HPRT1: variants seen among roughly 807,000 people sequenced by gnomAD.
The protein encoded by HPRT1 is hypoxanthine phosphoribosyltransferase 1.
In HPRT1, 4 loss-of-function variants were observed where a neutral mutation model predicts 19.0. That is an observed-to-expected ratio of 0.21 (90% CI 0.10 to 0.48). The LOEUF (loss-of-function observed/expected upper bound fraction) is 0.48. Ranked by LOEUF, HPRT1 falls within the 20% of genes least tolerant of loss-of-function variation. The probability of loss-of-function intolerance (pLI) is 0.98; values close to 1 mark genes in which losing one functional copy is unlikely to be tolerated. For synonymous variants in HPRT1, 53 were observed against 54.9 expected, an observed-to-expected ratio of 0.97 and a Z score of 0.15; for missense variants, 65 against 164.0, an observed-to-expected ratio of 0.40 and a Z score of 3.30.
intron 8 of HPRT1, 118 bp downstream of exon 8, chrX:134,498,802 G>A (rs368115178): frequency 1.8e-6 from 1 of 551,209 alleles, no homozygotes; most frequent in African/African-American, 2.2e-5. Flanking sequence ...GTTCCCATTA[G>A]TCACATAAAG....
At position 134,494,104 on chromosome X, in the gene HPRT1, G is replaced by A. The variant is rs1041927174; in HGVS notation, c.485+514G>A. On this transcript the variant is annotated intron_variant, in intron 6 of 8. Transcript: ENST00000298556. ...CTACCTGTGTTTATTTCTCATTTTCGTTTCATCTCTCAACAACTCTGGGGT... is the reference window on the plus strand; with the variant it reads ...CTACCTGTGTTTATTTCTCATTTTCATTTCATCTCTCAACAACTCTGGGGT... 3.6e-5 allele frequency among the ~76,000 whole-genome samples: 4 copies of A among 111,091 alleles called. No individual in the cohort carries two copies. In the South Asian group the frequency reaches 1.1e-3, roughly 31 times the overall value.
chrX:134,474,998 C>T (rs748454563), intron 2 of HPRT1, among the ~76,000 whole-genome samples, 183 bp from the exon 3 acceptor site: 1 of 110,874 alleles, frequency 9.0e-6, no homozygotes, highest in South Asian at 3.8e-4. Flanking sequence ...TTTCCCACCT[C>T]ACCTCTCAAG....
chrX:134,497,369 C>T (rs758023952), intron 6 of HPRT1, among the ~76,000 whole-genome samples: 25 of 111,477 alleles, frequency 2.2e-4, no homozygotes, highest in Non-Finnish European at 4.1e-4. Context: ...CAGTGGCTCA[C>T]GCCTGTGATC....
chrX:134,488,716 C>T (rs906596015), intron 4 of HPRT1, among the ~76,000 whole-genome samples: 2 of 110,807 alleles, frequency 1.8e-5, no homozygotes, highest in African/African-American at 6.6e-5. Context: ...CTCGTTGTAC[C>T]ATGCTGGGAT....
intron 1 of HPRT1, among the ~76,000 whole-genome samples, chrX:134,472,949 G>A (rs1250104598): frequency 1.8e-5 from 2 of 109,752 alleles, no homozygotes; most frequent in Non-Finnish European, 3.8e-5. Context: ...GTGAAGTGGC[G>A]CATTCTTGGC....
At position 134,495,414 on chromosome X, in the gene HPRT1, C is replaced by G. The variant is rs190242391; in HGVS notation, c.485+1824C>G. Reference sequence around the variant, plus strand: ...ATCTTTAAAGGGGAATGATTATTAACATCTTTTTCTCAGGGAAACTATATG... The same window carrying G: ...ATCTTTAAAGGGGAATGATTATTAAGATCTTTTTCTCAGGGAAACTATATG... On this transcript the variant is annotated intron_variant, in intron 6 of 8. Transcript: ENST00000298556. Among the ~76,000 whole-genome samples, 308 of 111,372 alleles carry G rather than the reference C, an allele frequency of 2.8e-3. 1 individual carries two copies. Among genetic ancestry groups the G allele is most frequent in the Non-Finnish European group, 5.0e-3 (268 of 53,129 alleles).
intron 3 of HPRT1, among the ~76,000 whole-genome samples, chrX:134,478,751 C>T (rs776662103): frequency 8.9e-6 from 1 of 112,038 alleles, no homozygotes; most frequent in Non-Finnish European, 1.9e-5. Context: ...CACACATATG[C>T]GTACTCTTAA....
chrX:134,497,842 G>A (rs184188036), intron 6 of HPRT1, among the ~76,000 whole-genome samples: 1,737 of 108,923 alleles, frequency 0.016, 17 homozygotes, highest in Middle Eastern at 0.049. Flanking sequence ...AGCTACTCAG[G>A]AGGCTGAGGC....
intron 2 of HPRT1, among the ~76,000 whole-genome samples, chrX:134,474,396 T>A (rs1194649784): frequency 9.4e-6 from 1 of 106,842 alleles, no homozygotes; most frequent in Non-Finnish European, 1.9e-5. Flanking sequence ...TATATGAGAG[T>A]ACCTTTCTCT....
intron 1 of HPRT1, among the ~76,000 whole-genome samples, chrX:134,467,041 C>CA (rs1556025814): frequency 3.3e-5 from 2 of 61,010 alleles, no homozygotes; most frequent in African/African-American, 1.5e-4. Flanking sequence ...AGATTTTAAG[C>CA]TTTTTTTTTT....
chrX:134,471,242 A>G (rs1010836638), intron 1 of HPRT1, among the ~76,000 whole-genome samples: 1 of 111,850 alleles, frequency 8.9e-6, no homozygotes. Context: ...TAGCAAAGCA[A>G]TAAAGAACTA....
At chrX:134,497,499 T>G in intron 6 of HPRT1, among the ~76,000 whole-genome samples, 1 of 109,944 alleles carries the variant, frequency 9.1e-6, no homozygotes, top group East Asian at 2.9e-4. Context: ...CCGGGCGTGG[T>G]GGCACATGCC....
chrX:134,490,957 T>C (rs1010776567), intron 5 of HPRT1, among the ~76,000 whole-genome samples: 2 of 106,451 alleles, frequency 1.9e-5, no homozygotes, highest in African/African-American at 6.9e-5. Context: ...TTTATTTTCC[T>C]GATCACTTAT....
intron 6 of HPRT1, among the ~76,000 whole-genome samples, chrX:134,498,164 G>T (rs1481356740): frequency 9.0e-6 from 1 of 111,718 alleles, no homozygotes; most frequent in Non-Finnish European, 1.9e-5. Context: ...CAGGTTCCAG[G>T]TGATCAACCA....
At chrX:134,491,255 A>G (rs184452368) in intron 5 of HPRT1, among the ~76,000 whole-genome samples, 1 of 110,038 alleles carries the variant, frequency 9.1e-6, no homozygotes, top group African/African-American at 3.3e-5. Flanking sequence ...GACATTTTGT[A>G]TAAATAGAAT....
intron 4 of HPRT1, among the ~76,000 whole-genome samples, chrX:134,489,239 G>A (rs1483998653): frequency 9.0e-6 from 1 of 111,083 alleles, no homozygotes; most frequent in African/African-American, 3.3e-5. Flanking sequence ...CCTAATATAT[G>A]CATTTTAAAT....
At chrX:134,491,755 CAG>C (rs2077667034) in intron 5 of HPRT1, among the ~76,000 whole-genome samples, 2 of 106,771 alleles carry the variant, frequency 1.9e-5, no homozygotes, top group Middle Eastern at 4.7e-3. Context: ...TTTTTTAAGA[CAG>C]AGTCTCACTC....
chrX:134,477,050 T>TTTTATTTTA, intron 3 of HPRT1, among the ~76,000 whole-genome samples: 1 of 100,577 alleles, frequency 9.9e-6, no homozygotes, highest in East Asian at 3.2e-4. Context: ...TTTTATTTTA[T>TTTTATTTTA]TTTATTTTAT....
chrX:134,491,187 C>T (rs1420979683), intron 5 of HPRT1, among the ~76,000 whole-genome samples: 1 of 109,450 alleles, frequency 9.1e-6, no homozygotes, highest in African/African-American at 3.3e-5. Flanking sequence ...CCCCTTCCCC[C>T]AGCACCTAGC....
Sources: gnomAD v4.1 joint callset for allele counts (sites outside exome capture counted in the v4.1 genomes callset) on GRCh38, gnomAD v4.1.1 for gene constraint, MANE v1.5 for transcripts, NCBI Gene and HGNC (gene_info 2026-07-23, HGNC 2026-07-21) for gene names.